WDR41: variants seen among roughly 807,000 people sequenced by gnomAD.
WDR41 encodes the protein WD repeat-containing protein 41.
A neutral mutation model predicts 69.3 loss-of-function variants in WDR41; 63 were observed. The observed-to-expected ratio is 0.91, with a 90% CI of 0.74 to 1.12. The LOEUF (loss-of-function observed/expected upper bound fraction) is 1.12. Ranked by LOEUF, WDR41 falls within the 50% of genes most tolerant of loss-of-function variation. WDR41 has a pLI of 0.00. For missense variants in WDR41, 543 were observed against 534.5 expected (o/e 1.02, Z -0.16); for synonymous variants, 185 against 192.1 (o/e 0.96, Z 0.31).
upstream of WDR41, among the ~76,000 whole-genome samples, chr5:77,493,496 T>C (rs1801888033): frequency 6.6e-6 from 1 of 152,080 alleles, no homozygotes; most frequent in South Asian, 2.1e-4. Context: ...GCTAAGTTGG[T>C]TGTGAGCAGC....
At chr5:77,540,539 A>G (rs915769916) in intron 1 of WDR41, 1 of 152,162 alleles carries the variant, frequency 6.6e-6, no homozygotes, top group Non-Finnish European at 1.5e-5. Context: ...CTCCGTCTCT[A>G]TAAAAAATAA....
chr5:77,543,837 G>A (rs543391310), intron 1 of WDR41, among the ~76,000 whole-genome samples: 2 of 152,026 alleles, frequency 1.3e-5, no homozygotes, highest in African/African-American at 4.8e-5. Flanking sequence ...AAAGATCATC[G>A]CCTAGCCACA....
chr5:77,533,481 T>C (rs569379344), intron 1 of WDR41, among the ~76,000 whole-genome samples: 147 of 152,274 alleles, frequency 9.7e-4, no homozygotes, highest in Middle Eastern at 6.8e-3. Context: ...TATACAAAGA[T>C]ACGTTTTTCA....
chr5:77,479,501 C>A (rs1291724400), intron 2 of WDR41, among the ~76,000 whole-genome samples: 4 of 151,978 alleles, frequency 2.6e-5, no homozygotes, highest in African/African-American at 4.8e-5. Flanking sequence ...AAGAACAGAG[C>A]CCTCAGAAAT....
At chr5:77,500,826 A>G (rs1049250606) in intron 1 of WDR41, among the ~76,000 whole-genome samples, 3 of 152,238 alleles carry the variant, frequency 2.0e-5, no homozygotes, top group Non-Finnish European at 2.9e-5. Context: ...GAGACATTAC[A>G]TTAAAAACCA....
intron 1 of WDR41, among the ~76,000 whole-genome samples, chr5:77,593,392 C>T (rs1406619045): frequency 6.6e-6 from 1 of 151,846 alleles, no homozygotes; most frequent in Non-Finnish European, 1.5e-5. Context: ...AAAGAGGAAA[C>T]CAAGTAATAA....
chr5:77,502,901 A>G (rs1399453888), intron 1 of WDR41, among the ~76,000 whole-genome samples: 3 of 152,240 alleles, frequency 2.0e-5, no homozygotes, highest in African/African-American at 7.2e-5. Flanking sequence ...AGTACCAGCC[A>G]GCGCAAAAAC....
At chr5:77,603,419 G>T (rs1403557961) in intron 1 of WDR41, among the ~76,000 whole-genome samples, 1 of 152,102 alleles carries the variant, frequency 6.6e-6, no homozygotes, top group Non-Finnish European at 1.5e-5. Context: ...GGGATTATAT[G>T]GTTTTTGGTT....
intron 1 of WDR41, among the ~76,000 whole-genome samples, chr5:77,612,922 A>T (rs1453221068): frequency 6.6e-6 from 1 of 152,050 alleles, no homozygotes; most frequent in Non-Finnish European, 1.5e-5. Flanking sequence ...AATCTCCTTT[A>T]GCTGATAAGC....
intron 1 of WDR41, among the ~76,000 whole-genome samples, chr5:77,541,025 A>G (rs1743079148): frequency 6.6e-6 from 1 of 152,210 alleles, no homozygotes; most frequent in South Asian, 2.1e-4. Context: ...GTAGGGGGAA[A>G]AGAAATTGAG....
At chr5:77,606,912 A>G (rs1348888037) in intron 1 of WDR41, among the ~76,000 whole-genome samples, 4 of 151,758 alleles carry the variant, frequency 2.6e-5, no homozygotes, top group Non-Finnish European at 4.4e-5. Context: ...AAAGAAAAAA[A>G]AAAAAAAAAA....
At chr5:77,489,717 C>T (rs938046199) in intron 1 of WDR41, 145 bp from the exon 2 acceptor site, 4 of 420,318 alleles carry the variant, frequency 9.5e-6, no homozygotes, top group Non-Finnish European at 8.4e-6. Context: ...TGTTCTACTA[C>T]TAAATATTAT....
At chr5:77,468,903 C>T (rs1473075908) in intron 2 of WDR41, among the ~76,000 whole-genome samples, 1 of 82,496 alleles carries the variant, frequency 1.2e-5, no homozygotes, top group African/African-American at 6.6e-5. Flanking sequence ...CTTGATATAT[C>T]TCTAAAGTCT....
chr5:77,499,603 C>T lies in WDR41; in HGVS notation c.43-10031G>A, dbSNP rs538113514. On this transcript the variant is annotated intron_variant, in intron 1 of 5. Coordinates refer to the WDR41 transcript ENST00000509971. ...GACCTGTTTTTTCCCATCTTTCTAC[C>T]CTTCCACTAACTGGCACCAGAGGTG... is the stretch of plus-strand genomic sequence containing the variant. 5.9e-5 allele frequency: 9 copies of T among 152,324 alleles called. No individual in the cohort carries two copies. In the East Asian group the frequency reaches 1.7e-3, roughly 29 times the overall value. 9.4% of individuals were successfully genotyped at this position (152,324 alleles called of 1,614,324 possible).
chr5:77,611,789 A>G (rs1157805910), intron 1 of WDR41, among the ~76,000 whole-genome samples: 2 of 151,390 alleles, frequency 1.3e-5, no homozygotes, highest in African/African-American at 4.8e-5. Context: ...AATAACTAAA[A>G]TCAGAGCAGA....
At position 77,492,221 on chromosome 5, in the gene WDR41, C is replaced by G; in HGVS notation, c.-1G>C. The G allele has an allele frequency of 6.2e-7, 1 of 1,612,692 alleles. No homozygotes were observed. The highest frequency in any genetic ancestry group is 8.5e-7 in the Non-Finnish European group (1 of 1,179,614). On this transcript the variant is annotated 5_prime_UTR_variant, in exon 1 of 13. Coordinates refer to ENST00000296679, the MANE Select transcript of WDR41 (RefSeq NM_018268.4). ...CTCCCCCGATCAGCCATCGCAACAT[C>G]CGGGCAGCGGCGGCGTCTTGCCCGG...
intron 1 of WDR41, among the ~76,000 whole-genome samples, chr5:77,523,158 A>C (rs1802395629): frequency 1.3e-5 from 2 of 151,942 alleles, no homozygotes; most frequent in Admixed American, 1.3e-4. Flanking sequence ...TACTAAAAAT[A>C]CAAAAATTAG....
At chr5:77,598,644 C>CTTTTTTTTTT (rs765785617) in intron 1 of WDR41, among the ~76,000 whole-genome samples, 4 of 121,356 alleles carry the variant, frequency 3.3e-5, no homozygotes, top group African/African-American at 2.9e-5. Flanking sequence ...AGTAAGTTTC[C>CTTTTTTTTTT]TTTTTTTTTT....
At chr5:77,491,175 C>G (rs1310647770) in intron 1 of WDR41, 4 of 411,672 alleles carry the variant, frequency 9.7e-6, no homozygotes, top group African/African-American at 2.1e-5. Flanking sequence ...CGGTCCTCGC[C>G]TTAAGTGATG....
Sources: gnomAD v4.1 joint callset for allele counts (sites outside exome capture counted in the v4.1 genomes callset) on GRCh38, gnomAD v4.1.1 for gene constraint, MANE v1.5 for transcripts, NCBI Gene and HGNC (gene_info 2026-07-23, HGNC 2026-07-21) for gene names.